CHMP3: variants seen among roughly 807,000 people sequenced by gnomAD.
The protein encoded by CHMP3 is 25.1 protein.
A neutral mutation model predicts 27.4 loss-of-function variants in CHMP3; 8 were observed. That is an observed-to-expected ratio of 0.29 (90% CI 0.17 to 0.53). CHMP3 has a LOEUF of 0.53. CHMP3 is among the 20% of genes least tolerant of loss of function. The probability of loss-of-function intolerance (pLI) is 0.96; values close to 1 mark genes in which losing one functional copy is unlikely to be tolerated. For synonymous variants in CHMP3, 86 were observed against 85.5 expected, an observed-to-expected ratio of 1.01 and a Z score of -0.03; for missense variants, 208 against 271.5, an observed-to-expected ratio of 0.77 and a Z score of 1.64.
intron 2 of CHMP3, among the ~76,000 whole-genome samples, chr2:86,530,995 T>C (rs1356123109): frequency 6.6e-6 from 1 of 152,238 alleles, no homozygotes; most frequent in African/African-American, 2.4e-5. Context: ...AAAAGTCTAT[T>C]GAAGTCTTTT....
intron 1 of CHMP3, among the ~76,000 whole-genome samples, chr2:86,549,734 C>T (rs1308134483): frequency 8.1e-6 from 1 of 123,202 alleles, no homozygotes; most frequent in Non-Finnish European, 1.7e-5. Context: ...GCAGAGGCAC[C>T]CACTTCGCAG....
rs904401673 is a variant in CHMP3, at chr2:86,504,605, G to C, written c.*1199C>G. ...CAAGAGAGCCTCCTGCCTCAGCCTT[G>C]TAAAGCACTGGGATTATAGGCATGA... On this transcript the variant is annotated 3_prime_UTR_variant, in exon 6 of 6. Coordinates refer to ENST00000263856, the MANE Select transcript of CHMP3 (RefSeq NM_016079.4). The C allele has an allele frequency of 1.4e-5, 2 of 138,802 alleles. No individual in the cohort carries two copies. The highest frequency in any genetic ancestry group is 5.6e-5 in the African/African-American group (2 of 35,852). The allele number at this position is 138,802 out of a possible 1,614,324, so 8.6% of individuals were successfully genotyped here. A position where few individuals can be genotyped will look rare whatever the true frequency, so the allele number is the denominator to read the frequency against.
intron 1 of CHMP3, 30 bp from the exon 2 acceptor site, chr2:86,542,342 A>AG: frequency 1.9e-6 from 3 of 1,602,648 alleles, no homozygotes; most frequent in Non-Finnish European, 2.6e-6. Flanking sequence ...AGGAATGAGG[A>AG]GAAAAGCCGA....
intron 2 of CHMP3, among the ~76,000 whole-genome samples, chr2:86,534,662 T>C (rs563131879): frequency 2.0e-5 from 3 of 152,232 alleles, no homozygotes; most frequent in Non-Finnish European, 4.4e-5. Context: ...TACAAAAATA[T>C]GTACACTTGT....
rs1674777612 is a variant in CHMP3 at position 86,503,447 on chromosome 2, G to T, written c.*2357C>A. On this transcript the variant is annotated 3_prime_UTR_variant, in exon 6 of 6. Transcript: ENST00000263856. ...ACAAACCATATGATCCAGCACTGAA[G>T]CTCTTGGTATTTATTCAAATGAATT... The T allele has an allele frequency of 6.6e-6, 1 of 152,130 alleles. No homozygotes were observed. Among genetic ancestry groups the T allele is most frequent in the Non-Finnish European group, 1.5e-5 (1 of 68,018 alleles). 9.4% of individuals were successfully genotyped at this position (152,130 alleles called of 1,614,324 possible). A position where few individuals can be genotyped will look rare whatever the true frequency, so the allele number is the denominator to read the frequency against.
chr2:86,533,687 TAG>T (rs1302150662), intron 2 of CHMP3, among the ~76,000 whole-genome samples: 5 of 152,282 alleles, frequency 3.3e-5, no homozygotes, highest in Non-Finnish European at 7.4e-5. Flanking sequence ...GTATTTTTGA[TAG>T]AGACAGGGTT....
At chr2:86,554,052 GAA>G (rs1677017110) in intron 1 of CHMP3, among the ~76,000 whole-genome samples, 5 of 152,108 alleles carry the variant, frequency 3.3e-5, no homozygotes, top group Admixed American at 2.0e-4. Flanking sequence ...CTTAGGAATG[GAA>G]TTAATGCCCT....
At chr2:86,514,865 G>A (rs145685967) in intron 3 of CHMP3, among the ~76,000 whole-genome samples, 66 of 152,010 alleles carry the variant, frequency 4.3e-4, no homozygotes, top group African/African-American at 1.5e-3. Context: ...GCAAATTTTC[G>A]TACATATATT....
intron 1 of CHMP3, chr2:86,562,806 TG>T (rs1677429534): frequency 6.5e-6 from 1 of 153,410 alleles, no homozygotes; most frequent in South Asian, 1.9e-4. Context: ...ACACAAGGGC[TG>T]GGGAAAGAGG....
At chr2:86,537,452 T>C (rs531859517) in intron 2 of CHMP3, among the ~76,000 whole-genome samples, 63 of 152,362 alleles carry the variant, frequency 4.1e-4, no homozygotes, top group African/African-American at 1.4e-3. Context: ...TTAGCAAATC[T>C]ACCATCTAGT....
rs1674837567 is a variant in CHMP3 at position 86,505,056 on chromosome 2, C to T, written c.*748G>A. The stretch of plus-strand genomic sequence containing the variant: ...GAAGGCCCATGTCCCACGCACAAGA[C>T]AACCAGCTCGAAGCAGGGACAGGCA... On this transcript the variant is annotated 3_prime_UTR_variant, in exon 6 of 6. Coordinates refer to ENST00000263856, the MANE Select transcript of CHMP3 (RefSeq NM_016079.4). 2 of 152,310 alleles carry T rather than the reference C, an allele frequency of 1.3e-5. No homozygotes were observed. Among genetic ancestry groups the T allele is most frequent in the African/African-American group, 4.8e-5 (2 of 41,420 alleles). The allele number at this position is 152,310 out of a possible 1,614,324, so 9.4% of individuals were successfully genotyped here. A position where few individuals can be genotyped will look rare whatever the true frequency, so the allele number is the denominator to read the frequency against.
chr2:86,548,959 A>C (rs1676737750), intron 1 of CHMP3, among the ~76,000 whole-genome samples: 1 of 134,232 alleles, frequency 7.4e-6, no homozygotes, highest in African/African-American at 2.9e-5. Flanking sequence ...CTCCCAGATG[A>C]TGGGCAGCTG....
At position 86,503,573 on chromosome 2, in the gene CHMP3, A is replaced by G. The variant is rs550474995; in HGVS notation, c.*2231T>C. The G allele has an allele frequency of 1.3e-5, 2 of 152,362 alleles. No homozygotes were observed. Among genetic ancestry groups the G allele is most frequent in the Admixed American group, 1.3e-4 (2 of 15,298 alleles). The allele number at this position is 152,362 out of a possible 1,614,324, so 9.4% of individuals were successfully genotyped here. On this transcript the variant is annotated 3_prime_UTR_variant, in exon 6 of 6. Coordinates refer to ENST00000263856, the MANE Select transcript of CHMP3 (RefSeq NM_016079.4). Reference sequence around the variant, plus strand: ...CACCAAGAAGTCTTTCAATAGGTGAATGGATAAACTATTCATCTAGACAAT... The same window carrying G: ...CACCAAGAAGTCTTTCAATAGGTGAGTGGATAAACTATTCATCTAGACAAT...
At chr2:86,527,336 A>G (rs1196576972) in intron 3 of CHMP3, 3 of 151,612 alleles carry the variant, frequency 2.0e-5, no homozygotes, top group African/African-American at 7.3e-5. Context: ...CTACAATTGG[A>G]AAAAAAAGAG....
intron 4 of CHMP3, among the ~76,000 whole-genome samples, chr2:86,507,969 G>A (rs1427287681): frequency 5.3e-5 from 8 of 152,252 alleles, no homozygotes; most frequent in East Asian, 3.9e-4. Flanking sequence ...ATCCGTGAAC[G>A]CAGGGGTTGG....
At chr2:86,562,013 TATA>T (rs1677389608) in intron 1 of CHMP3, 1 of 152,242 alleles carries the variant, frequency 6.6e-6, no homozygotes, top group East Asian at 1.9e-4. Flanking sequence ...TGTGCATCTA[TATA>T]ATGTTCTATA....
chr2:86,510,273 CA>C, intron 4 of CHMP3, 84 bp downstream of exon 4: 4 of 1,306,786 alleles, frequency 3.1e-6, no homozygotes, highest in Non-Finnish European at 4.2e-6. Flanking sequence ...TGTTCATCCC[CA>C]CCCACCCTCA....
At chr2:86,525,833 A>C (rs2103933499) in intron 3 of CHMP3, among the ~76,000 whole-genome samples, 1 of 152,334 alleles carries the variant, frequency 6.6e-6, no homozygotes, top group African/African-American at 2.4e-5. Context: ...AAGGAAAATC[A>C]AGATTTTTTT....
chr2:86,553,111 G>C (rs1448633177), intron 1 of CHMP3, among the ~76,000 whole-genome samples: 2 of 151,704 alleles, frequency 1.3e-5, no homozygotes. Flanking sequence ...TAGGTGATGG[G>C]ATGATGTGCG....
Sources: gnomAD v4.1 joint callset for allele counts (sites outside exome capture counted in the v4.1 genomes callset) on GRCh38, gnomAD v4.1.1 for gene constraint, MANE v1.5 for transcripts, NCBI Gene and HGNC (gene_info 2026-07-23, HGNC 2026-07-21) for gene names.